Variants in FHIT observed in about 807,000 individuals in gnomAD.
The protein encoded by FHIT is bis(5'-adenosyl)-triphosphatase.
A neutral mutation model predicts 17.9 loss-of-function variants in FHIT; 19 were observed. The observed-to-expected ratio is 1.06, with a 90% confidence interval of 0.74 to 1.56. The LOEUF (loss-of-function observed/expected upper bound fraction) is 1.56, where lower values mean the gene tolerates loss of function less well. Ranked by LOEUF, FHIT falls within the 40% of genes most tolerant of loss-of-function variation. The pLI, the probability that FHIT is intolerant of heterozygous loss-of-function variation, is 0.00. For synonymous variants in FHIT, 81 were observed against 69.7 expected (o/e 1.16, Z -0.81); for missense variants, 248 against 189.2 (o/e 1.31, Z -1.82).
intron 5 of FHIT, among the ~76,000 whole-genome samples, chr3:60,027,129 ACACACACACAC>A (rs1305517084): frequency 3.8e-5 from 5 of 131,274 alleles, no homozygotes; most frequent in African/African-American, 1.6e-4. Flanking sequence ...ACACACACAC[ACACACACACAC>A]ACACACACAA....
intron 5 of FHIT, among the ~76,000 whole-genome samples, chr3:60,163,361 C>A (rs1458746919): frequency 6.6e-6 from 1 of 152,142 alleles, no homozygotes; most frequent in Non-Finnish European, 1.5e-5. Flanking sequence ...CCCCTTACAT[C>A]TCACCTAATG....
At chr3:60,283,897 T>C (rs1214944698) in intron 5 of FHIT, among the ~76,000 whole-genome samples, 4 of 152,094 alleles carry the variant, frequency 2.6e-5, no homozygotes, top group Non-Finnish European at 5.9e-5. Flanking sequence ...AGAAAGACAA[T>C]GTATTCTAGT....
At position 60,612,187 on chromosome 3, in the gene FHIT, T is replaced by C. The variant is rs571834078; in HGVS notation, c.-17-75208A>G. Among the ~76,000 whole-genome samples, 6 of 152,220 alleles carry C rather than the reference T, an allele frequency of 3.9e-5. No individual in the cohort carries two copies. The East Asian group carries it at 1.2e-3, about 29-fold the overall frequency. On this transcript the variant is annotated intron_variant, in intron 4 of 9. Coordinates refer to ENST00000492590, the MANE Select transcript of FHIT (RefSeq NM_002012.4). The stretch of plus-strand genomic sequence containing the variant: ...TGGTCAAAGAGAAGGGTCAACTCTT[T>C]ATACAAAAGAAAAATGAGTCATGAG...
At chr3:60,400,887 G>A (rs1701633091) in intron 5 of FHIT, among the ~76,000 whole-genome samples, 2 of 151,910 alleles carry the variant, frequency 1.3e-5, no homozygotes, top group South Asian at 4.2e-4. Flanking sequence ...TTAAAAGTGA[G>A]ATCATTTTAT....
At chr3:61,181,732 A>G (rs1004380825) in intron 2 of FHIT, among the ~76,000 whole-genome samples, 6 of 152,228 alleles carry the variant, frequency 3.9e-5, no homozygotes, top group Non-Finnish European at 8.8e-5. Flanking sequence ...TTATAATTGC[A>G]GTAACATGTC....
At chr3:60,325,425 C>T (rs905539433) in intron 5 of FHIT, among the ~76,000 whole-genome samples, 1 of 152,146 alleles carries the variant, frequency 6.6e-6, no homozygotes, top group Non-Finnish European at 1.5e-5. Context: ...TAACCTAAGA[C>T]ATAAAATGGC....
At chr3:61,093,231 T>C (rs549556202) in intron 2 of FHIT, among the ~76,000 whole-genome samples, 19 of 152,294 alleles carry the variant, frequency 1.2e-4, no homozygotes, top group Admixed American at 2.6e-4. Context: ...TAAACGTTTA[T>C]AATTCTATGT....
intron 4 of FHIT, among the ~76,000 whole-genome samples, chr3:60,717,410 C>T (rs951468755): frequency 6.6e-6 from 1 of 152,082 alleles, no homozygotes; most frequent in East Asian, 1.9e-4. Flanking sequence ...CAAAACATCA[C>T]TTTTTACCCT....
At chr3:60,298,973 T>C (rs9311757) in intron 5 of FHIT, among the ~76,000 whole-genome samples, 62 of 152,196 alleles carry the variant, frequency 4.1e-4, no homozygotes, top group Admixed American at 1.3e-3. Context: ...GTAATCTTCC[T>C]TTGAATGTAG....
intron 5 of FHIT, among the ~76,000 whole-genome samples, chr3:60,319,139 A>T (rs1352647814): frequency 2.0e-5 from 3 of 152,180 alleles, no homozygotes; most frequent in Non-Finnish European, 1.5e-5. Context: ...CCCTTTTGCC[A>T]CATAAGGTAA....
intron 7 of FHIT, among the ~76,000 whole-genome samples, chr3:59,950,918 G>T (rs1006569122): frequency 6.6e-6 from 1 of 152,144 alleles, no homozygotes; most frequent in Non-Finnish European, 1.5e-5. Context: ...AATAGTATTA[G>T]GATGAACCAC....
chr3:60,041,326 C>T (rs1202203869), intron 5 of FHIT, among the ~76,000 whole-genome samples: 2 of 152,164 alleles, frequency 1.3e-5, no homozygotes, highest in Admixed American at 6.5e-5. Context: ...CTCAGAAGTA[C>T]CTTCATCCTC....
chr3:60,097,635 T>C (rs543641605), intron 5 of FHIT, among the ~76,000 whole-genome samples: 2 of 152,314 alleles, frequency 1.3e-5, no homozygotes, highest in African/African-American at 2.4e-5. Flanking sequence ...TTCCACTTAA[T>C]AGTAATTATA....
chr3:61,152,302 C>G (rs988784501), intron 2 of FHIT, among the ~76,000 whole-genome samples: 2 of 152,148 alleles, frequency 1.3e-5, no homozygotes, highest in East Asian at 1.9e-4. Flanking sequence ...AGCTAGAGAA[C>G]TGGTTGCCAA....
At chr3:60,617,631 C>T (rs2038991393) in intron 4 of FHIT, 1 of 153,092 alleles carries the variant, frequency 6.5e-6, no homozygotes, top group Non-Finnish European at 1.5e-5. Flanking sequence ...AAATCCTAGA[C>T]CTTTCCAATG....
At chr3:60,207,729 A>C (rs374062512) in intron 5 of FHIT, among the ~76,000 whole-genome samples, 14 of 152,178 alleles carry the variant, frequency 9.2e-5, no homozygotes, top group African/African-American at 3.4e-4. Flanking sequence ...TGTTTCTATA[A>C]AAAGGTCATT....
At chr3:59,955,035 G>A (rs1015976912) in intron 7 of FHIT, among the ~76,000 whole-genome samples, 2 of 152,194 alleles carry the variant, frequency 1.3e-5, no homozygotes, top group Admixed American at 6.5e-5. Context: ...AAGCTGAGCT[G>A]ATCCACTTAC....
intron 4 of FHIT, chr3:60,732,524 G>A (rs2042050557): frequency 1.5e-6 from 1 of 660,646 alleles, no homozygotes; most frequent in East Asian, 3.4e-5. Context: ...AGCGCTCAGA[G>A]CACGAAAGTT....
chr3:60,007,979 C>T (rs1052453637), intron 7 of FHIT, among the ~76,000 whole-genome samples: 5 of 152,156 alleles, frequency 3.3e-5, no homozygotes, highest in African/African-American at 9.7e-5. Flanking sequence ...CCTTAAAATA[C>T]TCAGTATGCA....
Sources: gnomAD v4.1 joint callset for allele counts (sites outside exome capture counted in the v4.1 genomes callset) on GRCh38, gnomAD v4.1.1 for gene constraint, MANE v1.5 for transcripts, NCBI Gene and HGNC (gene_info 2026-07-23, HGNC 2026-07-21) for gene names.